Variants in MYO1D observed in about 807,000 individuals in gnomAD.
The protein encoded by MYO1D is unconventional myosin-Id.
MYO1D carries 83 observed loss-of-function variants against 122.0 expected under a neutral mutation model. The ratio of observed to expected loss-of-function variants is 0.68; its 90% CI spans 0.57 to 0.82. The LOEUF is 0.82. Ranked by LOEUF, MYO1D falls within the 40% of genes least tolerant of loss-of-function variation. MYO1D has a pLI of 0.00. For missense variants in MYO1D, 1,157 were observed against 1,269.5 expected (o/e 0.91, Z 1.35); for synonymous variants, 464 against 446.9 (o/e 1.04, Z -0.48).
chr17:32,603,381 A>G (rs2087585171), intron 21 of MYO1D, among the ~76,000 whole-genome samples: 1 of 152,190 alleles, frequency 6.6e-6, no homozygotes, highest in African/African-American at 2.4e-5. Context: ...ACTGGTATCC[A>G]AATTAAGAGT....
chr17:32,524,564 CTTTT>C (rs11323072), intron 21 of MYO1D, among the ~76,000 whole-genome samples: 1 of 119,302 alleles, frequency 8.4e-6, no homozygotes. Context: ...CTGATTAATT[CTTTT>C]TTTTTTTTTT....
intron 1 of MYO1D, among the ~76,000 whole-genome samples, chr17:32,862,448 G>A (rs2091085816): frequency 6.6e-6 from 1 of 152,216 alleles, no homozygotes; most frequent in Non-Finnish European, 1.5e-5. Context: ...ACCATGCTAT[G>A]TGAGAAAACA....
At chr17:32,861,068 CTTTTT>C (rs1205679858) in intron 1 of MYO1D, among the ~76,000 whole-genome samples, 2 of 135,760 alleles carry the variant, frequency 1.5e-5, no homozygotes, top group African/African-American at 2.7e-5. Flanking sequence ...GGTGTTTATT[CTTTTT>C]TTTTTTTTTT....
intron 2 of MYO1D, 88 bp downstream of exon 2, chr17:32,780,488 A>C: frequency 7.1e-7 from 1 of 1,400,890 alleles, no homozygotes. Context: ...CCTTTAAAAA[A>C]ATATTTAATC....
chr17:32,787,792 T>C (rs796165276), intron 1 of MYO1D, among the ~76,000 whole-genome samples: 6 of 152,310 alleles, frequency 3.9e-5, no homozygotes, highest in African/African-American at 1.4e-4. Flanking sequence ...ATATCATTCT[T>C]GTGCCTTTGC....
intron 14 of MYO1D, among the ~76,000 whole-genome samples, chr17:32,723,819 T>C (rs2089540007): frequency 6.6e-6 from 1 of 152,170 alleles, no homozygotes; most frequent in South Asian, 2.1e-4. Context: ...CCCTGAATCA[T>C]GACAAAGAAC....
chr17:32,517,384 G>T (rs1392545959), intron 21 of MYO1D, among the ~76,000 whole-genome samples: 1 of 152,246 alleles, frequency 6.6e-6, no homozygotes, highest in Admixed American at 6.5e-5. Context: ...AAGTGTATCA[G>T]TGTCAGCTTT....
chr17:32,686,735 C>T (rs1322016882), intron 16 of MYO1D, among the ~76,000 whole-genome samples: 2 of 152,022 alleles, frequency 1.3e-5, no homozygotes, highest in Non-Finnish European at 2.9e-5. Context: ...GGTGGTGGTA[C>T]ACACCTGTAG....
chr17:32,816,982 T>C (rs529302750), intron 1 of MYO1D, among the ~76,000 whole-genome samples: 2 of 152,228 alleles, frequency 1.3e-5, no homozygotes, highest in African/African-American at 2.4e-5. Context: ...GGAAAAATTA[T>C]GTAACTTAGG....
chr17:32,738,667 AAATGGTC>A (rs2089737829), intron 13 of MYO1D, among the ~76,000 whole-genome samples: 1 of 152,224 alleles, frequency 6.6e-6, no homozygotes. Context: ...TAGGACCCTC[AAATGGTC>A]AATATGGCTC....
chr17:32,494,858 C>T lies in MYO1D; in HGVS notation c.2922G>A (p.Gly974=). The change falls in exon 22 of 22, where the codon GGG becomes GGA. Residue 974 remains glycine (G), a synonymous_variant. Transcript: ENST00000318217. ...VTNPVQCSLH[G]KKCTVSVETR... ...TCTCCACGGAGACGGTGCACTTCTTCCCGTGCAGGCTGCACTGTACTGGGT... is the reference window on the plus strand; with the variant it reads ...TCTCCACGGAGACGGTGCACTTCTTTCCGTGCAGGCTGCACTGTACTGGGT... The T allele has an allele frequency of 2.5e-6, 4 of 1,614,054 alleles. No homozygotes were observed. Among genetic ancestry groups the T allele is most frequent in the South Asian group, 1.1e-5 (1 of 91,078 alleles).
intron 21 of MYO1D, among the ~76,000 whole-genome samples, chr17:32,578,780 C>T (rs545251408): frequency 2.7e-4 from 41 of 152,292 alleles, no homozygotes; most frequent in Admixed American, 8.5e-4. Flanking sequence ...GAGAGTACTT[C>T]CCCTAAGTCT....
chr17:32,569,509 A>C (rs1488372129), intron 21 of MYO1D, among the ~76,000 whole-genome samples: 4 of 152,212 alleles, frequency 2.6e-5, no homozygotes, highest in African/African-American at 9.6e-5. Flanking sequence ...CCTGTTCCTC[A>C]CAATGGTGAA....
intron 14 of MYO1D, chr17:32,727,731 A>G (rs898825978): frequency 6.6e-6 from 1 of 152,250 alleles, no homozygotes; most frequent in African/African-American, 2.4e-5. Flanking sequence ...AATGAACTAA[A>G]TGATTTATTC....
At chr17:32,748,414 A>C (rs1191795594) in intron 12 of MYO1D, among the ~76,000 whole-genome samples, 4 of 151,416 alleles carry the variant, frequency 2.6e-5, no homozygotes, top group African/African-American at 4.9e-5. Context: ...ACCCTCTTTT[A>C]CTTTTAGGAC....
intron 21 of MYO1D, among the ~76,000 whole-genome samples, chr17:32,550,336 G>A (rs142734455): frequency 1.3e-5 from 2 of 152,282 alleles, no homozygotes; most frequent in Admixed American, 1.3e-4. Flanking sequence ...CTGATCTTAG[G>A]TGATCTGCCT....
At chr17:32,791,677 T>C (rs2090353320) in intron 1 of MYO1D, among the ~76,000 whole-genome samples, 1 of 151,460 alleles carries the variant, frequency 6.6e-6, no homozygotes, top group African/African-American at 2.4e-5. Context: ...CAAAAGGGGG[T>C]TTCTTGTAGT....
intron 1 of MYO1D, among the ~76,000 whole-genome samples, chr17:32,818,264 G>A (rs2090630823): frequency 6.6e-6 from 1 of 151,918 alleles, no homozygotes; most frequent in African/African-American, 2.4e-5. Flanking sequence ...CTGTAAACAA[G>A]TCTTAGTGAT....
chr17:32,743,140 T>C (rs772297067), intron 13 of MYO1D, among the ~76,000 whole-genome samples: 4 of 152,226 alleles, frequency 2.6e-5, no homozygotes, highest in Non-Finnish European at 5.9e-5. Flanking sequence ...TAGTTCCTCT[T>C]TCCTTGTTTG....
Sources: gnomAD v4.1 joint callset for allele counts (sites outside exome capture counted in the v4.1 genomes callset) on GRCh38, gnomAD v4.1.1 for gene constraint, MANE v1.5 for transcripts, NCBI Gene and HGNC (gene_info 2026-07-23, HGNC 2026-07-21) for gene names.